ULK4: variants seen among roughly 807,000 people sequenced by gnomAD.
The protein encoded by ULK4 is unc-51 like kinase 4, also known as inactive serine/threonine-protein kinase ULK4.
In ULK4, 133 loss-of-function variants were observed where a neutral mutation model predicts 160.6. That is an observed-to-expected ratio of 0.83 (90% CI 0.72 to 0.96). The LOEUF is 0.96. Ranked by LOEUF, ULK4 falls within the 40% of genes least tolerant of loss-of-function variation. The pLI is 0.00. For synonymous variants in ULK4, 534 were observed against 539.8 expected (o/e 0.99, Z 0.15); for missense variants, 1,580 against 1,499.5 (o/e 1.05, Z -0.89).
intron 17 of ULK4, among the ~76,000 whole-genome samples, chr3:41,838,202 A>G (rs1005831098): frequency 6.6e-6 from 1 of 152,248 alleles, no homozygotes; most frequent in Non-Finnish European, 1.5e-5. Context: ...GAGAGGAAGC[A>G]AGAACACAGT....
intron 32 of ULK4, among the ~76,000 whole-genome samples, chr3:41,527,865 G>C (rs9876989): frequency 0.79 from 120,590 of 152,192 alleles, 48,273 homozygotes; most frequent in African/African-American, 0.89. Context: ...CTATAGTTTT[G>C]TGATATAGTT....
At chr3:41,338,482 T>G (rs1425465802) in intron 35 of ULK4, among the ~76,000 whole-genome samples, 2 of 152,168 alleles carry the variant, frequency 1.3e-5, no homozygotes, top group Non-Finnish European at 2.9e-5. Flanking sequence ...CTGAACACTT[T>G]CCCCACAAGC....
rs1699128735 is a variant in ULK4, at chr3:41,919,949, C to G, written c.542-131G>C. On this transcript the variant is annotated intron_variant, in intron 5 of 36. Coordinates refer to ENST00000301831, the MANE Select transcript of ULK4 (RefSeq NM_017886.4). ...ATGCGCATGAATAAAACTTCATGTG[C>G]ATTTCACATTTTTAAATGTTTTCTA... 27 of 511,064 alleles carry G rather than the reference C, an allele frequency of 5.3e-5. 1 individual carries two copies. The South Asian group carries it at 1.0e-3, about 20-fold the overall frequency. The allele number at this position is 511,064 out of a possible 1,614,324, so 31.7% of individuals were successfully genotyped here.
intron 32 of ULK4, among the ~76,000 whole-genome samples, chr3:41,538,354 G>GTT (rs77852612): frequency 1.2e-4 from 18 of 151,700 alleles, no homozygotes; most frequent in Middle Eastern, 3.4e-3. Flanking sequence ...TTTCCCTTTT[G>GTT]TTTTTTTTCT....
chr3:41,820,012 T>C (rs1259753994), intron 18 of ULK4, among the ~76,000 whole-genome samples: 2 of 152,166 alleles, frequency 1.3e-5, no homozygotes, highest in Non-Finnish European at 2.9e-5. Flanking sequence ...CTGATTTTAA[T>C]GACATGAGCA....
At chr3:41,753,277 C>T (rs1667479484) in intron 22 of ULK4, among the ~76,000 whole-genome samples, 1 of 152,070 alleles carries the variant, frequency 6.6e-6, no homozygotes, top group South Asian at 2.1e-4. Flanking sequence ...ATGTAATCGC[C>T]CCAATTTTGC....
intron 19 of ULK4, among the ~76,000 whole-genome samples, chr3:41,808,381 G>C (rs979423181): frequency 6.6e-6 from 1 of 152,162 alleles, no homozygotes; most frequent in African/African-American, 2.4e-5. Flanking sequence ...TTGGAAAGGG[G>C]CCATGTGTCA....
At chr3:41,630,749 C>T (rs1290664348) in intron 30 of ULK4, among the ~76,000 whole-genome samples, 1 of 152,192 alleles carries the variant, frequency 6.6e-6, no homozygotes, top group African/African-American at 2.4e-5. Flanking sequence ...GGTCCCAGTT[C>T]CCTTCCCCCT....
At chr3:41,726,113 C>T (rs573397049) in intron 22 of ULK4, among the ~76,000 whole-genome samples, 32 of 152,286 alleles carry the variant, frequency 2.1e-4, no homozygotes, top group African/African-American at 7.7e-4. Flanking sequence ...TTTAAATTAT[C>T]CATTATAAAA....
chr3:41,852,164 A>G (rs2042231479), intron 17 of ULK4, among the ~76,000 whole-genome samples: 1 of 152,186 alleles, frequency 6.6e-6, no homozygotes, highest in Non-Finnish European at 1.5e-5. Context: ...CTCGACACAT[A>G]CACCCTCCCA....
chr3:41,374,100 C>G (rs553082098), intron 35 of ULK4, among the ~76,000 whole-genome samples: 3 of 152,126 alleles, frequency 2.0e-5, no homozygotes, highest in South Asian at 2.1e-4. Flanking sequence ...GAAGTTGAAT[C>G]CCTGAATAGA....
intron 35 of ULK4, among the ~76,000 whole-genome samples, chr3:41,283,605 T>C (rs1228730379): frequency 6.6e-6 from 1 of 151,990 alleles, no homozygotes; most frequent in African/African-American, 2.4e-5. Flanking sequence ...TGAGAACACA[T>C]GGACACAGGG....
chr3:41,893,125 T>C (rs1024515098), intron 16 of ULK4, among the ~76,000 whole-genome samples: 6 of 152,114 alleles, frequency 3.9e-5, no homozygotes, highest in South Asian at 2.1e-4. Flanking sequence ...AGAGTATAGG[T>C]TACCAGGACT....
chr3:41,814,908 C>CTTT (rs201381514), intron 19 of ULK4, among the ~76,000 whole-genome samples: 2 of 127,434 alleles, frequency 1.6e-5, no homozygotes, highest in African/African-American at 3.1e-5. Flanking sequence ...TAATTCTGTC[C>CTTT]TTTTTTTTTT....
At chr3:41,727,219 C>A (rs1212691584) in intron 22 of ULK4, among the ~76,000 whole-genome samples, 1 of 152,158 alleles carries the variant, frequency 6.6e-6, no homozygotes, top group Non-Finnish European at 1.5e-5. Context: ...ATATCTACAC[C>A]AGTACAATGT....
intron 29 of ULK4, among the ~76,000 whole-genome samples, chr3:41,676,773 C>T (rs2035732497): frequency 6.6e-6 from 1 of 152,048 alleles, no homozygotes; most frequent in South Asian, 2.1e-4. Flanking sequence ...ATTGTCTCTC[C>T]AGCTTATTTC....
chr3:41,510,037 C>A (rs1352051087), intron 32 of ULK4, among the ~76,000 whole-genome samples: 1 of 152,128 alleles, frequency 6.6e-6, no homozygotes, highest in Non-Finnish European at 1.5e-5. Context: ...CAAAGAATGG[C>A]AGAATGAATA....
intron 17 of ULK4, among the ~76,000 whole-genome samples, chr3:41,844,811 A>G (rs952592368): frequency 1.9e-4 from 26 of 140,002 alleles, no homozygotes; most frequent in African/African-American, 6.4e-4. Flanking sequence ...AAAAAAAAAA[A>G]CAGCAACTAA....
At chr3:41,332,243 G>T (rs1476717640) in intron 35 of ULK4, among the ~76,000 whole-genome samples, 1 of 151,852 alleles carries the variant, frequency 6.6e-6, no homozygotes, top group Admixed American at 6.6e-5. Flanking sequence ...AGAAACCTAT[G>T]TTTCCATTTC....
Sources: allele counts gnomAD v4.1 joint callset (sites outside exome capture counted in the v4.1 genomes callset), GRCh38; gene constraint gnomAD v4.1.1; transcripts MANE v1.5; gene names NCBI Gene and HGNC (gene_info 2026-07-23, HGNC 2026-07-21).